The following UFD1 variants were observed in gnomAD, a reference collection of about 807,000 sequenced individuals.
UFD1 encodes the protein ubiquitin recognition factor in ER associated degradation 1.
UFD1 carries 13 observed loss-of-function variants against 45.9 expected under a neutral mutation model. That is an observed-to-expected ratio of 0.28 (90% CI 0.18 to 0.45). The LOEUF (loss-of-function observed/expected upper bound fraction) is 0.45. Among genes scored for constraint, UFD1 ranks in the 20% least tolerant of loss-of-function variants. The pLI, the probability that UFD1 is intolerant of heterozygous loss-of-function variation, is 1.00. For missense variants in UFD1, 218 were observed against 389.2 expected, an observed-to-expected ratio of 0.56 and a Z score of 3.70; for synonymous variants, 128 against 139.2, an observed-to-expected ratio of 0.92 and a Z score of 0.56.
chr22:19,479,022 G>A lies in UFD1; in HGVS notation c.3+61C>T, dbSNP rs1258257111. ...CCGTCCCGCCCCGCCCTGCCCCGCC[G>A]GGCCCTACCTCAGGCCCCGGGCCAA... On this transcript the variant is annotated intron_variant, in intron 1 of 11. Transcript: ENST00000263202. 123 of 669,016 alleles carry A rather than the reference G, an allele frequency of 1.8e-4. No individual in the cohort carries two copies. The East Asian group carries it at 3.2e-3, about 17-fold the overall frequency. 41.4% of individuals were successfully genotyped at this position (669,016 alleles called of 1,614,324 possible).
intron 1 of UFD1, among the ~76,000 whole-genome samples, chr22:19,478,157 T>C (rs908943756): frequency 6.6e-6 from 1 of 152,190 alleles, no homozygotes; most frequent in Non-Finnish European, 1.5e-5. Context: ...CTTCTGCCCC[T>C]TCTTTGCTGC....
chr22:19,468,382 G>C (rs1421121554), intron 4 of UFD1, among the ~76,000 whole-genome samples: 1 of 152,164 alleles, frequency 6.6e-6, no homozygotes, highest in Non-Finnish European at 1.5e-5. Context: ...ACCTGAGGTA[G>C]GACAAAAGCA....
chr22:19,465,419 T>C (rs1218256823), intron 5 of UFD1, 145 bp from the exon 6 acceptor site: 1 of 640,304 alleles, frequency 1.6e-6, no homozygotes, highest in African/African-American at 1.8e-5. Context: ...AAAGTACTAC[T>C]TGGCAATAAA....
At chr22:19,450,793 C>T (rs1024835993) in intron 11 of UFD1, 49 bp from the exon 12 acceptor site, 2 of 1,613,384 alleles carry the variant, frequency 1.2e-6, no homozygotes, top group Non-Finnish European at 1.7e-6. Context: ...TGGAGGTTTA[C>T]AATAAATGCC....
At chr22:19,466,638 T>C (rs6518551) in intron 5 of UFD1, 1 of 152,218 alleles carries the variant, frequency 6.6e-6, no homozygotes, top group Non-Finnish European at 1.5e-5. Flanking sequence ...GAGACCAGCT[T>C]AGGCAACATG....
At chr22:19,462,070 G>A (rs1232948286) in intron 6 of UFD1, among the ~76,000 whole-genome samples, 1 of 152,116 alleles carries the variant, frequency 6.6e-6, no homozygotes, top group African/African-American at 2.4e-5. Context: ...CACGGTCACT[G>A]TTCACTGCAA....
chr22:19,458,263 C>T, intron 6 of UFD1, 124 bp from the exon 7 acceptor site: 1 of 971,434 alleles, frequency 1.0e-6, no homozygotes, highest in Non-Finnish European at 1.6e-6. Context: ...ATGACACAAC[C>T]TACAGCTGCA....
chr22:19,468,495 T>C (rs2089820335), intron 4 of UFD1, among the ~76,000 whole-genome samples: 1 of 152,158 alleles, frequency 6.6e-6, no homozygotes, highest in African/African-American at 2.4e-5. Context: ...TATAAAAATC[T>C]GACAAAGCCT....
intron 7 of UFD1, among the ~76,000 whole-genome samples, chr22:19,457,833 TC>T (rs1210503264): frequency 6.6e-5 from 10 of 151,874 alleles, no homozygotes; most frequent in African/African-American, 2.4e-4. Flanking sequence ...GAATATTCAC[TC>T]CTCAACGGGT....
chr22:19,474,936 C>A, intron 3 of UFD1, 132 bp downstream of exon 3: 2 of 873,258 alleles, frequency 2.3e-6, no homozygotes, highest in South Asian at 2.2e-5. Context: ...CCAGCGCATG[C>A]CCTCCACGGA....
In UFD1 at chr22:19,471,680, C is replaced by T. The variant is rs1336843365; in HGVS notation, c.291+7G>A. The T allele has an allele frequency of 6.2e-7, 1 of 1,612,352 alleles. No individual in the cohort carries two copies. Among genetic ancestry groups the T allele is most frequent in the Admixed American group, 1.7e-5 (1 of 60,002 alleles). ...TGCTCTCTAGAGACCCTGGCAGCCC[C>T]ACTCACCCAGTGTGGGAGGTAGCAG... On this transcript the variant is annotated splice_region_variant and intron_variant, in intron 4 of 11. Coordinates refer to ENST00000263202, the MANE Select transcript of UFD1 (RefSeq NM_005659.7).
intron 11 of UFD1, 100 bp downstream of exon 11, chr22:19,454,649 A>G: frequency 3.8e-6 from 6 of 1,589,886 alleles, no homozygotes; most frequent in Non-Finnish European, 4.3e-6. Context: ...TTGGAAACAG[A>G]CTAATGCACA....
chr22:19,454,802 C>T lies in UFD1; in HGVS notation c.796G>A (p.Gly266Ser). The T allele has an allele frequency of 6.2e-7, 1 of 1,613,692 alleles. No individual in the cohort carries two copies. Among genetic ancestry groups the T allele is most frequent in the African/African-American group, 1.3e-5 (1 of 74,970 alleles). Residue 266 changes from glycine (G) to serine (S), a missense_variant, in exon 11 of 12, where the codon GGT (glycine) becomes AGT (serine). Transcript: ENST00000263202. ...GAATTTCTGATGAAAGTTATCTTAC[C>T]AAGTTTAAATTCATAATTGGGAATT... ...RGIPNYEFKL[G>S]KITFIRNSRP...
At chr22:19,469,020 A>C (rs1020198080) in intron 4 of UFD1, among the ~76,000 whole-genome samples, 2 of 152,154 alleles carry the variant, frequency 1.3e-5, no homozygotes, top group African/African-American at 2.4e-5. Flanking sequence ...GTGAAGCCTG[A>C]GTGGTGGGCC....
rs751940260 is a variant in UFD1, at chr22:19,471,819, G to C, written c.170-11C>G. 3 of 1,612,336 alleles carry C rather than the reference G, an allele frequency of 1.9e-6. No homozygotes were observed. The highest frequency in any genetic ancestry group is 1.7e-6 in the Non-Finnish European group (2 of 1,178,828). On this transcript the variant is annotated splice_polypyrimidine_tract_variant and intron_variant, in intron 3 of 11. Transcript: ENST00000263202. ...TAATGTTAAGTCGGCCTGAAAATAA[G>C]AGAGAGACTATGAGGCACAGCTCCT...
At chr22:19,456,999 T>G (rs1255379232) in intron 7 of UFD1, 81 bp from the exon 8 acceptor site, 2 of 919,084 alleles carry the variant, frequency 2.2e-6, no homozygotes, top group Non-Finnish European at 3.5e-6. Flanking sequence ...TTGAGACAAC[T>G]GTAGATTCAC....
At chr22:19,459,847 T>G (rs755194092) in intron 6 of UFD1, among the ~76,000 whole-genome samples, 1 of 150,412 alleles carries the variant, frequency 6.6e-6, no homozygotes, top group East Asian at 2.0e-4. Flanking sequence ...CCAGCGATTC[T>G]CTTGCCTCAG....
At chr22:19,478,669 C>T (rs552256543) in intron 1 of UFD1, 2 of 188,666 alleles carry the variant, frequency 1.1e-5, no homozygotes, top group Non-Finnish European at 1.8e-5. Flanking sequence ...GGGGCAAGAG[C>T]TGGGTGTCCC....
intron 11 of UFD1, 94 bp downstream of exon 11, chr22:19,454,655 G>C: frequency 6.3e-7 from 1 of 1,594,904 alleles, no homozygotes. Context: ...ACAGACTAAT[G>C]CACACCCCTA....
Sources: allele counts gnomAD v4.1 joint callset (sites outside exome capture counted in the v4.1 genomes callset), GRCh38; gene constraint gnomAD v4.1.1; transcripts MANE v1.5; gene names NCBI Gene and HGNC (gene_info 2026-07-23, HGNC 2026-07-21).